ABLIM2: variants seen among roughly 807,000 people sequenced by gnomAD.
ABLIM2 encodes the protein actin binding LIM protein family member 2, also known as actin-binding LIM protein 2.
ABLIM2 carries 53 observed loss-of-function variants against 97.7 expected under a neutral mutation model. The ratio of observed to expected loss-of-function variants is 0.54; its 90% CI spans 0.44 to 0.68. The LOEUF (loss-of-function observed/expected upper bound fraction) is 0.68, where lower values mean the gene tolerates loss of function less well. Ranked by LOEUF, ABLIM2 falls within the 30% of genes least tolerant of loss-of-function variation. The probability of loss-of-function intolerance (pLI) is 0.00; values close to 1 mark genes in which losing one functional copy is unlikely to be tolerated. For missense variants in ABLIM2, 835 were observed against 867.2 expected (o/e 0.96, Z 0.47); for synonymous variants, 361 against 345.8 (o/e 1.04, Z -0.49).
chr4:8,140,203 G>T lies in ABLIM2; in HGVS notation c.10+18477C>A, dbSNP rs549175267. ...GGTGCGGCAAACCACCATGGCACACGTTTACCTGTGTAACAAACCTGCATG... is the reference window on the plus strand; with the variant it reads ...GGTGCGGCAAACCACCATGGCACACTTTTACCTGTGTAACAAACCTGCATG... On this transcript the variant is annotated intron_variant, in intron 1 of 20. Coordinates refer to ENST00000447017, the MANE Select transcript of ABLIM2 (RefSeq NM_001130083.2). The surrounding 1 kb of genome is among the most constrained non-coding windows in gnomAD (Gnocchi z 5.9). 1.3e-5 allele frequency among the ~76,000 whole-genome samples: 2 copies of T among 152,114 alleles called. No individual in the cohort carries two copies. Among genetic ancestry groups the T allele is most frequent in the South Asian group, 4.1e-4 (2 of 4,822 alleles).
rs374282018 is a variant in ABLIM2, at chr4:8,075,079, C to T, written c.675+2549G>A. On this transcript the variant is annotated intron_variant, in intron 6 of 20. Coordinates refer to ENST00000447017, the MANE Select transcript of ABLIM2 (RefSeq NM_001130083.2). This position sits in a 1 kb window ranked among gnomAD's most constrained non-coding sequence, Gnocchi z 4.4. The stretch of plus-strand genomic sequence containing the variant: ...GATTACAGGCATGAGCCACCGCTCC[C>T]GGCCCAGCCTGACAATTCTGAGAGT... Among the ~76,000 whole-genome samples the T allele has an allele frequency of 2.5e-3, 386 of 152,248 alleles. 3 individuals carry two copies. In the South Asian group the frequency reaches 0.026, roughly 10 times the overall value.
chr4:7,981,176 C>T (rs1164294137), intron 20 of ABLIM2, among the ~76,000 whole-genome samples: 1 of 151,942 alleles, frequency 6.6e-6, no homozygotes, highest in Non-Finnish European at 1.5e-5. Flanking sequence ...GTCTCCTGAC[C>T]TCATGATCTG....
intron 17 of ABLIM2, among the ~76,000 whole-genome samples, chr4:7,985,124 G>A (rs1742707230): frequency 6.6e-6 from 1 of 152,194 alleles, no homozygotes; most frequent in Non-Finnish European, 1.5e-5. Flanking sequence ...TTGCTCATAG[G>A]ATGCCCACTG....
chr4:8,040,169 C>T (rs990808841), intron 9 of ABLIM2, among the ~76,000 whole-genome samples: 2 of 152,162 alleles, frequency 1.3e-5, no homozygotes, highest in Non-Finnish European at 2.9e-5. Context: ...GACAACCACC[C>T]ACAGCAGGCA....
intron 1 of ABLIM2, among the ~76,000 whole-genome samples, chr4:8,143,169 G>GGA (rs1554123508): frequency 6.7e-6 from 1 of 148,962 alleles, no homozygotes; most frequent in Non-Finnish European, 1.5e-5. Context: ...TGGGGGGGGG[G>GGA]GGCGTCTGCA....
At chr4:8,101,349 G>A (rs567943527) in intron 2 of ABLIM2, among the ~76,000 whole-genome samples, 6 of 152,312 alleles carry the variant, frequency 3.9e-5, no homozygotes, top group Admixed American at 1.3e-4. Context: ...TGCCCTGTGC[G>A]GCTTAGGCTG....
rs116519979 is a variant in ABLIM2, at chr4:8,147,841, A to G, written c.10+10839T>C. ...GTGGTCACTGGTGACCGCAGCCCCT[A>G]GACACTCACAGGTGGCCTTTGCCCA... On this transcript the variant is annotated intron_variant, in intron 1 of 20. Transcript: ENST00000447017. The surrounding 1 kb of genome is among the most constrained non-coding windows in gnomAD (Gnocchi z 5.3). 1.3e-3 allele frequency among the ~76,000 whole-genome samples: 196 copies of G among 152,324 alleles called. 1 individual carries two copies. Among genetic ancestry groups the G allele is most frequent in the African/African-American group, 4.4e-3 (183 of 41,570 alleles).
chr4:8,059,187 G>T (rs1409677566), intron 7 of ABLIM2, among the ~76,000 whole-genome samples: 1 of 152,018 alleles, frequency 6.6e-6, no homozygotes, highest in South Asian at 2.1e-4. Context: ...ATAACTCTAG[G>T]TGCCTGTCTG....
chr4:8,088,122 A>G (rs149969034), intron 4 of ABLIM2, 47 bp downstream of exon 4: 3 of 445,800 alleles, frequency 6.7e-6, no homozygotes, highest in Non-Finnish European at 9.9e-6. Context: ...AGCACCCCCC[A>G]CTCAGCATGC....
chr4:8,035,468 G>C (rs533434548), intron 10 of ABLIM2, among the ~76,000 whole-genome samples: 4 of 152,196 alleles, frequency 2.6e-5, no homozygotes, highest in Non-Finnish European at 5.9e-5. Context: ...CATGCCTGGC[G>C]GCACGCATGT....
At chr4:8,110,272 G>A (rs980951472) in intron 1 of ABLIM2, among the ~76,000 whole-genome samples, 8 of 152,242 alleles carry the variant, frequency 5.3e-5, no homozygotes, top group African/African-American at 2.4e-5. Context: ...GATCCGACAA[G>A]GGAGAGGTTC....
chr4:8,053,994 C>T (rs1426392231), intron 8 of ABLIM2, among the ~76,000 whole-genome samples, 194 bp downstream of exon 8: 1 of 152,180 alleles, frequency 6.6e-6, no homozygotes, highest in Non-Finnish European at 1.5e-5. Flanking sequence ...CAAAGATGCC[C>T]TTGTTCCATC....
At position 8,054,052 on chromosome 4, in the gene ABLIM2, G is replaced by A; in HGVS notation, c.822+136C>T. 1 of 910,692 alleles carries A rather than the reference G, an allele frequency of 1.1e-6. No homozygotes were observed. Among genetic ancestry groups the A allele is most frequent in the Non-Finnish European group, 1.8e-6 (1 of 567,324 alleles). 56.4% of individuals were successfully genotyped at this position (910,692 alleles called of 1,614,324 possible). ...CTTGTTTACCCTCCCCACCTCCTAA[G>A]CCTGGCTGCCCCCATCCTGCAGCCC... On this transcript the variant is annotated intron_variant, in intron 8 of 20. Transcript: ENST00000447017. This position sits in a 1 kb window ranked among gnomAD's most constrained non-coding sequence, Gnocchi z 4.9.
intron 14 of ABLIM2, among the ~76,000 whole-genome samples, chr4:8,013,164 C>G (rs1766222355): frequency 6.6e-6 from 1 of 151,386 alleles, no homozygotes; most frequent in Admixed American, 6.6e-5. Context: ...TAAACACTTA[C>G]TGAATACCTA....
chr4:8,040,185 G>A (rs1458041807), intron 9 of ABLIM2, among the ~76,000 whole-genome samples: 1 of 152,136 alleles, frequency 6.6e-6, no homozygotes, highest in African/African-American at 2.4e-5. Flanking sequence ...AGGCAGGGGT[G>A]GGCAGCTGCA....
chr4:7,981,766 C>T (rs916340520), intron 20 of ABLIM2, among the ~76,000 whole-genome samples: 2 of 152,182 alleles, frequency 1.3e-5, no homozygotes, highest in East Asian at 1.9e-4. Context: ...TGCAGCCTCT[C>T]GTCTGCAGAG....
In ABLIM2 at chr4:7,992,410, T is replaced by C. The variant is rs916341122; in HGVS notation, c.1680+456A>G. Among the ~76,000 whole-genome samples, 11 of 152,158 alleles carry C rather than the reference T, an allele frequency of 7.2e-5. No homozygotes were observed. Among genetic ancestry groups the C allele is most frequent in the African/African-American group, 2.7e-4 (11 of 41,438 alleles). On this transcript the variant is annotated intron_variant, in intron 17 of 20. Transcript: ENST00000447017. This position sits in a 1 kb window ranked among gnomAD's most constrained non-coding sequence, Gnocchi z 5.7. ...ACAGCCTTGGACGCTAAGGATTATTTGGTGTCATCACGGTAACAGTAATAG... is the reference window on the plus strand; with the variant it reads ...ACAGCCTTGGACGCTAAGGATTATTCGGTGTCATCACGGTAACAGTAATAG...
intron 6 of ABLIM2, among the ~76,000 whole-genome samples, chr4:8,062,453 TG>T (rs1803892820): frequency 6.6e-6 from 1 of 151,822 alleles, no homozygotes; most frequent in Admixed American, 6.6e-5. Context: ...TTTTTTTTTT[TG>T]AGACGGAGTC....
intron 1 of ABLIM2, among the ~76,000 whole-genome samples, chr4:8,144,160 G>A (rs1356211864): frequency 6.6e-6 from 1 of 152,232 alleles, no homozygotes; most frequent in African/African-American, 2.4e-5. Flanking sequence ...GTTGGGGAAA[G>A]GGAAGGGATC....
Sources: allele counts gnomAD v4.1 joint callset (sites outside exome capture counted in the v4.1 genomes callset), GRCh38; gene constraint gnomAD v4.1.1; non-coding constraint Gnocchi (gnomAD v3.1); transcripts MANE v1.5; gene names NCBI Gene and HGNC (gene_info 2026-07-23, HGNC 2026-07-21).